FHDC1: variants seen among roughly 807,000 people sequenced by gnomAD.
The protein encoded by FHDC1 is FH2 domain containing 1, also known as FH2 domain-containing protein 1.
Under a neutral mutation model 52.6 loss-of-function variants are expected in FHDC1, and 25 were observed. That is an observed-to-expected ratio of 0.48 (90% confidence interval 0.35 to 0.66). FHDC1 has a LOEUF of 0.66. Among genes scored for constraint, FHDC1 ranks in the 30% least tolerant of loss-of-function variants. The pLI is 0.01. For synonymous variants in FHDC1, 616 were observed against 581.5 expected (o/e 1.06, Z -0.85); for missense variants, 1,459 against 1,452.8 (o/e 1.00, Z -0.07).
chr4:152,936,665 G>A (rs937614412), intron 1 of FHDC1, among the ~76,000 whole-genome samples: 1 of 152,266 alleles, frequency 6.6e-6, no homozygotes, highest in African/African-American at 2.4e-5. Context: ...ACGGAGAACA[G>A]CGATCGGTCC....
chr4:152,962,381 G>A (rs890775271), intron 6 of FHDC1, among the ~76,000 whole-genome samples: 4 of 152,148 alleles, frequency 2.6e-5, no homozygotes, highest in Non-Finnish European at 5.9e-5. Context: ...TAAGCAAAAC[G>A]TTGCTTGCTG....
chr4:152,959,346 T>C (rs556469655), intron 4 of FHDC1, among the ~76,000 whole-genome samples: 5 of 152,372 alleles, frequency 3.3e-5, no homozygotes, highest in Middle Eastern at 3.4e-3. Context: ...TTGAAAACTT[T>C]CCTTTCATCT....
chr4:152,923,905 T>G, the FHDC1 span, among the ~76,000 whole-genome samples: 2 of 152,152 alleles, frequency 1.3e-5, no homozygotes, highest in Non-Finnish European at 2.9e-5. Context: ...ATAAAAACTC[T>G]AGAAGAAAAC....
At chr4:152,972,617 A>G in intron 11 of FHDC1, 76 bp downstream of exon 11, 1 of 1,488,498 alleles carries the variant, frequency 6.7e-7, no homozygotes, top group Non-Finnish European at 9.0e-7. Context: ...TCATCTGCTC[A>G]CCACAGAAAG....
At chr4:152,921,551 T>C in the FHDC1 span, among the ~76,000 whole-genome samples, 1 of 100,910 alleles carries the variant, frequency 9.9e-6, no homozygotes, top group Non-Finnish European at 2.1e-5. Flanking sequence ...TTTTCTTTCC[T>C]TCCTTCCTTC....
chr4:152,943,619 T>C lies in FHDC1; in HGVS notation c.498+64T>C, dbSNP rs1027890908. 4 of 1,511,786 alleles carry C rather than the reference T, an allele frequency of 2.6e-6. No homozygotes were observed. The African/African-American group carries it at 4.2e-5, about 16-fold the overall frequency. 93.6% of individuals were successfully genotyped at this position (1,511,786 alleles called of 1,614,324 possible). On this transcript the variant is annotated intron_variant, in intron 2 of 11. Transcript: ENST00000511601. ...GCATTGTTTTGTGTTTTGGGATGTGTGTACATTTCAAATAATTGCTAGACA... is the reference window on the plus strand; with the variant it reads ...GCATTGTTTTGTGTTTTGGGATGTGCGTACATTTCAAATAATTGCTAGACA...
At position 152,954,336 on chromosome 4, in the gene FHDC1, A is replaced by G; in HGVS notation, c.663+17A>G. 1 of 1,595,380 alleles carries G rather than the reference A, an allele frequency of 6.3e-7. No individual in the cohort carries two copies. The highest frequency in any genetic ancestry group is 8.6e-7 in the Non-Finnish European group (1 of 1,162,944). On this transcript the variant is annotated intron_variant, in intron 4 of 11. Transcript: ENST00000511601. ...TCAGAAGAGGTAAGAAATTCAGCGC[A>G]TGAGTTGTAGATGTTAGGAGTGATC... is the stretch of plus-strand genomic sequence containing the variant.
At chr4:152,926,563 G>T in the FHDC1 span, among the ~76,000 whole-genome samples, 4 of 140,268 alleles carry the variant, frequency 2.9e-5, no homozygotes, top group South Asian at 2.4e-4. Context: ...TGCTTTTTTA[G>T]TTTGGCTTGG....
At chr4:152,932,868 C>T (rs192340263), upstream of FHDC1, among the ~76,000 whole-genome samples, 1 of 152,216 alleles carries the variant, frequency 6.6e-6, no homozygotes, top group Admixed American at 6.5e-5. Context: ...ATACAAAATA[C>T]TTGATGTAGG....
intron 1 of FHDC1, 116 bp from the exon 2 acceptor site, chr4:152,942,812 C>T: frequency 2.3e-6 from 1 of 443,516 alleles, no homozygotes; most frequent in Non-Finnish European, 3.9e-6. Context: ...ATGTGTTGCC[C>T]CTCATTGATT....
chr4:152,944,396 CACAACAACA>C (rs144802822), intron 2 of FHDC1, among the ~76,000 whole-genome samples: 3 of 151,630 alleles, frequency 2.0e-5, no homozygotes, highest in East Asian at 1.9e-4. Flanking sequence ...ACACACAAAG[CACAACAACA>C]ACAACAACAA....
At chr4:152,937,906 C>G (rs1476147159) in intron 1 of FHDC1, among the ~76,000 whole-genome samples, 1 of 152,028 alleles carries the variant, frequency 6.6e-6, no homozygotes, top group Non-Finnish European at 1.5e-5. Flanking sequence ...CGGGCGGGGA[C>G]CGGGGTGCCG....
chr4:152,918,694 G>C, the FHDC1 span, among the ~76,000 whole-genome samples: 2 of 152,164 alleles, frequency 1.3e-5, no homozygotes, highest in Non-Finnish European at 2.9e-5. Flanking sequence ...ACTGAGCCAC[G>C]TTGCTCTGGG....
the FHDC1 span, among the ~76,000 whole-genome samples, chr4:152,921,407 A>G: frequency 1.3e-5 from 2 of 152,096 alleles, no homozygotes; most frequent in Non-Finnish European, 2.9e-5. Context: ...TATCTAATTA[A>G]TTTTTTAATA....
chr4:152,925,304 C>T, the FHDC1 span, among the ~76,000 whole-genome samples: 1 of 152,104 alleles, frequency 6.6e-6, no homozygotes, highest in Non-Finnish European at 1.5e-5. Context: ...ATGTATTAGA[C>T]ATGCAGACAG....
the FHDC1 span, among the ~76,000 whole-genome samples, chr4:152,922,610 A>C: frequency 6.6e-6 from 1 of 152,044 alleles, no homozygotes; most frequent in African/African-American, 2.4e-5. Flanking sequence ...AATCCTCAAT[A>C]AAATACTGGC....
chr4:152,911,890 T>C, the FHDC1 span: 2 of 152,614 alleles, frequency 1.3e-5, no homozygotes, highest in African/African-American at 4.8e-5. Flanking sequence ...TGTATTCTTA[T>C]TAAACGTGTT....
the FHDC1 span, among the ~76,000 whole-genome samples, chr4:152,929,651 C>T: frequency 6.6e-6 from 1 of 152,136 alleles, no homozygotes; most frequent in South Asian, 2.1e-4. This position sits in a 1 kb window ranked among gnomAD's most constrained non-coding sequence, Gnocchi z 4.1. Context: ...AGTTCCCGTG[C>T]AGTGGAGCTG....
At chr4:152,953,203 T>C (rs1436632132) in intron 2 of FHDC1, among the ~76,000 whole-genome samples, 9 of 152,164 alleles carry the variant, frequency 5.9e-5, no homozygotes, top group Non-Finnish European at 8.8e-5. Flanking sequence ...AAATCATAAG[T>C]TGAACCATCA....
Sources: allele counts gnomAD v4.1 joint callset (sites outside exome capture counted in the v4.1 genomes callset), GRCh38; gene constraint gnomAD v4.1.1; non-coding constraint Gnocchi (gnomAD v3.1); transcripts MANE v1.5; gene names NCBI Gene and HGNC (gene_info 2026-07-23, HGNC 2026-07-21).